NPC2: variants seen among roughly 807,000 people sequenced by gnomAD.
NPC2 encodes Niemann-Pick disease type C2 protein.
A neutral mutation model predicts 17.0 loss-of-function variants in NPC2; 14 were observed. The ratio of observed to expected loss-of-function variants is 0.82; its 90% confidence interval spans 0.54 to 1.29. NPC2 has a LOEUF of 1.29. NPC2 is among the 50% of genes most tolerant of loss of function. NPC2 has a pLI of 0.00. For missense variants in NPC2, 167 were observed against 183.4 expected (o/e 0.91, Z 0.52); for synonymous variants, 75 against 69.3 (o/e 1.08, Z -0.41).
At chr14:74,483,799 T>C (rs554357416) in intron 3 of NPC2, among the ~76,000 whole-genome samples, 1 of 152,376 alleles carries the variant, frequency 6.6e-6, no homozygotes, top group South Asian at 2.1e-4. Flanking sequence ...TAGATATTGC[T>C]ACTATAATCA....
At position 74,484,543 on chromosome 14, in the gene NPC2, T is replaced by A; in HGVS notation, c.235A>T (p.Met79Leu). ...ATGGGAAAGGGAACTGGGACGCCCA[T>A]CAGGATGCCATGCACCACGGCCTTG... ...SSKAVVHGILMGVPVPFPIPE... is the reference protein window; with the variant it reads ...SSKAVVHGILLGVPVPFPIPE... The change falls in exon 3 of 5, where the codon ATG (methionine) becomes TTG (leucine). Residue 79 changes from methionine to leucine, a missense_variant. By Grantham distance (15) the Met-to-Leu change is conservative. Transcript: ENST00000555619. 1 of 1,614,076 alleles carries A rather than the reference T, an allele frequency of 6.2e-7. No individual in the cohort carries two copies. The highest frequency in any genetic ancestry group is 8.5e-7 in the Non-Finnish European group (1 of 1,180,008).
At chr14:74,487,038 A>C (rs1595224628) in intron 1 of NPC2, among the ~76,000 whole-genome samples, 2 of 149,680 alleles carry the variant, frequency 1.3e-5, no homozygotes, top group Admixed American at 1.3e-4. Context: ...TGCAACCTCC[A>C]CCCCCCGGGT....
rs369221608 is a variant in NPC2 at position 74,484,554 on chromosome 14, T to A, written c.224A>T (p.His75Leu). The A allele has an allele frequency of 6.2e-7, 1 of 1,614,010 alleles. No homozygotes were observed. Among genetic ancestry groups the A allele is most frequent in the African/African-American group, 1.3e-5 (1 of 74,894 alleles). Residue 75 changes from histidine to leucine, a missense_variant, in exon 3 of 5, where the codon CAT becomes CTT. His to Leu is a moderately conservative substitution (Grantham distance 99, BLOSUM62 -3). Coordinates refer to ENST00000555619, the MANE Select transcript of NPC2 (RefSeq NM_006432.5). ...AACTGGGACGCCCATCAGGATGCCA[T>A]GCACCACGGCCTTGCTGCTTTTAGA... ...IQSKSSKAVV[H>L]GILMGVPVPF...
chr14:74,481,078 A>T (rs1336598344), intron 3 of NPC2, among the ~76,000 whole-genome samples: 1 of 152,218 alleles, frequency 6.6e-6, no homozygotes. Flanking sequence ...ATGAAGTGAT[A>T]CGGTTTGGTT....
intron 1 of NPC2, among the ~76,000 whole-genome samples, chr14:74,492,353 C>T (rs10139122): frequency 0.23 from 34,710 of 152,104 alleles, 4,428 homozygotes; most frequent in African/African-American, 0.34. Context: ...CTTACTCTGG[C>T]TCCCCATTCT....
chr14:74,491,317 C>T (rs1294521434), intron 1 of NPC2, among the ~76,000 whole-genome samples: 7 of 152,070 alleles, frequency 4.6e-5, no homozygotes, highest in Non-Finnish European at 8.8e-5. Context: ...GTGATCTGCC[C>T]GTCTTGGCCT....
chr14:74,491,591 A>G (rs1426082099), intron 1 of NPC2, among the ~76,000 whole-genome samples: 5 of 152,230 alleles, frequency 3.3e-5, no homozygotes, highest in South Asian at 2.1e-4. Context: ...TTTTTATGAC[A>G]TAGGGGAAAA....
chr14:74,480,246 G>A lies in NPC2; in HGVS notation c.*28C>T. ...GTCAAGAGTCTCAGCAGACTCATTG[G>A]CCAGATGCACCGAACTCAATGAGGC... On this transcript the variant is annotated 3_prime_UTR_variant, in exon 5 of 5. Transcript: ENST00000555619. 6.2e-7 allele frequency: 1 copy of A among 1,614,128 alleles called. No individual in the cohort carries two copies. Among genetic ancestry groups the A allele is most frequent in the Middle Eastern group, 1.7e-4 (1 of 6,060 alleles).
At position 74,493,245 on chromosome 14, in the gene NPC2, G is replaced by A. The variant is rs142190691; in HGVS notation, c.30C>T (p.Leu10=). The A allele has an allele frequency of 5.0e-6, 8 of 1,613,234 alleles. No individual in the cohort carries two copies. The African/African-American group carries it at 9.3e-5, about 19-fold the overall frequency. ...CCTGGGCAGCGGTGCTGAGCGCCAG[G>A]AGCAGGAATGTAGCTGCCAGGAAAC... MRFLAATFL[L]LALSTAAQAE... is the part of the protein sequence containing the mutation. Residue 10 remains leucine (L), a synonymous_variant, in exon 1 of 5, where the codon CTC becomes CTT. Coordinates refer to ENST00000555619, the MANE Select transcript of NPC2 (RefSeq NM_006432.5). The surrounding 1 kb of genome is among the most constrained non-coding windows in gnomAD (Gnocchi z 4.1).
At chr14:74,487,263 G>GTTTTTTTTTTTTTTTTTTT (rs1208707592) in intron 1 of NPC2, among the ~76,000 whole-genome samples, 2 of 134,948 alleles carry the variant, frequency 1.5e-5, no homozygotes, top group Non-Finnish European at 1.6e-5. Context: ...TTGTTTTTGT[G>GTTTTTTTTTTTTTTTTTTT]GTTTTTTTTT....
chr14:74,493,135 G>T lies in NPC2; in HGVS notation c.82+58C>A. 1 of 1,558,060 alleles carries T rather than the reference G, an allele frequency of 6.4e-7. No individual in the cohort carries two copies. Among genetic ancestry groups the T allele is most frequent in the Non-Finnish European group, 8.7e-7 (1 of 1,150,380 alleles). The stretch of plus-strand genomic sequence containing the variant: ...CCCAGCCCCAGGGGTCTCAGCGCGG[G>T]GGTCCGGCGGGGCCTTCCACAGAGG... On this transcript the variant is annotated intron_variant, in intron 1 of 4. Transcript: ENST00000555619. This position sits in a 1 kb window ranked among gnomAD's most constrained non-coding sequence, Gnocchi z 4.1.
Position 74,484,422 on chromosome 14 carries a change from T to C in NPC2, c.356A>G (p.Tyr119Cys), listed in dbSNP as rs555955984. ...YLNKLPVKSE[Y>C]PSIKLVVEWQ... ...AATAATGGTATCACTTACAGAGGGA[T>C]ATTCGCTTTTCACTGGTAGTTTATT... The change falls in exon 3 of 5, where the codon TAT (tyrosine) becomes TGT (cysteine). Residue 119 changes from tyrosine (Y) to cysteine (C), a missense_variant. By Grantham distance (194) the Tyr-to-Cys change is radical. Coordinates refer to ENST00000555619, the MANE Select transcript of NPC2 (RefSeq NM_006432.5). 6.2e-7 allele frequency: 1 copy of C among 1,614,162 alleles called. No individual in the cohort carries two copies. The highest frequency in any genetic ancestry group is 1.1e-5 in the South Asian group (1 of 91,078).
intron 1 of NPC2, 123 bp from the exon 2 acceptor site, chr14:74,486,559 T>A (rs1159729632): frequency 4.0e-6 from 3 of 752,604 alleles, no homozygotes; most frequent in Non-Finnish European, 7.0e-6. Context: ...CTCCTCGGAC[T>A]GTTTCCCAGG....
At position 74,484,492 on chromosome 14, in the gene NPC2, C is replaced by T. The variant is rs996404779; in HGVS notation, c.286G>A (p.Gly96Arg). Residue 96 changes from glycine (G) to arginine (R), a missense_variant, in exon 3 of 5, where the codon GGA becomes AGA. Physicochemically the swap from Gly to Arg is moderately radical, Grantham distance 125 (BLOSUM62 -2). Transcript: ENST00000555619. ...PIPEPDGCKS[G>R]INCPIQKDKT... ...TCTTTTTGGATAGGGCAGTTAATTC[C>T]ACTCTTACAACCATCAGGCTCAGGA... 1 of 1,613,914 alleles carries T rather than the reference C, an allele frequency of 6.2e-7. No individual in the cohort carries two copies. The highest frequency in any genetic ancestry group is 1.3e-5 in the African/African-American group (1 of 74,868).
At chr14:74,491,272 C>G (rs1196500237) in intron 1 of NPC2, among the ~76,000 whole-genome samples, 1 of 152,052 alleles carries the variant, frequency 6.6e-6, no homozygotes, top group Non-Finnish European at 1.5e-5. Context: ...GGGGTTTCAC[C>G]ATGTTGGCCA....
intron 1 of NPC2, among the ~76,000 whole-genome samples, chr14:74,488,396 G>T (rs1188090382): frequency 6.6e-6 from 1 of 152,176 alleles, no homozygotes; most frequent in Non-Finnish European, 1.5e-5. Flanking sequence ...AAAAGTGTCA[G>T]AATATCAGTC....
At chr14:74,483,344 G>T in intron 3 of NPC2, 1 of 1,368,658 alleles carries the variant, frequency 7.3e-7, no homozygotes, top group South Asian at 1.2e-5. Context: ...CAAAGAACAG[G>T]GCCAGAATTT....
rs61395005 is a variant in NPC2, at chr14:74,485,294, C to CAAAAAAAAAAAAAAAAAAAAAAA, written c.191-730_191-708dup. Among the ~76,000 whole-genome samples, 7 of 71,332 alleles carry CAAAAAAAAAAAAAAAAAAAAAAA rather than the reference C, an allele frequency of 9.8e-5. 1 individual carries two copies. The highest frequency in any genetic ancestry group is 5.4e-4 in the African/African-American group (7 of 12,906). 46.8% of individuals were successfully genotyped at this position (71,332 alleles called of 152,430 possible). On this transcript the variant is annotated intron_variant, in intron 2 of 4. Transcript: ENST00000555619. ...TGGGTGACAGAGCGAGACTCTGTCA[C>CAAAAAAAAAAAAAAAAAAAAAAA]AAAAAAAAAAAAAAAAAAAAAAAAA...
At chr14:74,481,022 G>A (rs1265640901) in intron 3 of NPC2, among the ~76,000 whole-genome samples, 1 of 152,216 alleles carries the variant, frequency 6.6e-6, no homozygotes, top group Non-Finnish European at 1.5e-5. Context: ...TTTATCAAAT[G>A]TAATTTCTAA....
Sources: gnomAD v4.1 joint callset for allele counts (sites outside exome capture counted in the v4.1 genomes callset) on GRCh38, gnomAD v4.1.1 for gene constraint, Gnocchi (gnomAD v3.1) non-coding constraint, MANE v1.5 for transcripts, NCBI Gene and HGNC (gene_info 2026-07-23, HGNC 2026-07-21) for gene names.